The following NRXN3 variants were observed in gnomAD, a reference collection of about 807,000 sequenced individuals.
The protein encoded by NRXN3 is neurexin III.
NRXN3 carries 32 observed loss-of-function variants against 137.6 expected under a neutral mutation model. The ratio of observed to expected loss-of-function variants is 0.23; its 90% CI spans 0.18 to 0.31. The LOEUF is 0.31. NRXN3 is among the 10% of genes least tolerant of loss of function. The pLI, the probability that NRXN3 is intolerant of heterozygous loss-of-function variation, is 1.00. For missense variants in NRXN3, 1,574 were observed against 2,062.5 expected, an observed-to-expected ratio of 0.76 and a Z score of 4.59; for synonymous variants, 798 against 784.5, an observed-to-expected ratio of 1.02 and a Z score of -0.29.
intron 15 of NRXN3, among the ~76,000 whole-genome samples, chr14:78,994,407 T>G (rs2099525576): frequency 1.3e-5 from 2 of 152,160 alleles, no homozygotes; most frequent in South Asian, 4.1e-4. Context: ...AAAATTAGAT[T>G]TCCCAACTTC....
chr14:79,004,809 C>G (rs1250496768), intron 15 of NRXN3, among the ~76,000 whole-genome samples: 2 of 152,116 alleles, frequency 1.3e-5, no homozygotes, highest in Non-Finnish European at 2.9e-5. Flanking sequence ...GACCTTGATT[C>G]TACAATCATT....
intron 10 of NRXN3, among the ~76,000 whole-genome samples, chr14:78,815,700 T>C (rs1051986477): frequency 6.6e-6 from 1 of 152,080 alleles, no homozygotes; most frequent in African/African-American, 2.4e-5. Flanking sequence ...AATATGTTAT[T>C]TCATCTTTAC....
chr14:79,513,725 T>C (rs1388743367), intron 16 of NRXN3, among the ~76,000 whole-genome samples: 1 of 152,184 alleles, frequency 6.6e-6, no homozygotes, highest in African/African-American at 2.4e-5. Context: ...TGTGAATCTG[T>C]AATTTGCAAA....
At chr14:78,172,007 C>T (rs1386919542) in intron 1 of NRXN3, among the ~76,000 whole-genome samples, 1 of 152,148 alleles carries the variant, frequency 6.6e-6, no homozygotes, top group East Asian at 1.9e-4. Flanking sequence ...CTTCTCCCCG[C>T]TTCCTTCGGT....
chr14:78,214,840 G>A (rs1045745541), intron 1 of NRXN3, among the ~76,000 whole-genome samples: 9 of 152,120 alleles, frequency 5.9e-5, no homozygotes, highest in African/African-American at 2.2e-4. Context: ...ATTCTGACTC[G>A]AGTGCACTCT....
intron 17 of NRXN3, among the ~76,000 whole-genome samples, chr14:79,681,497 G>A (rs563563745): frequency 2.2e-4 from 33 of 152,196 alleles, no homozygotes; most frequent in African/African-American, 7.9e-4. Context: ...AGGTTCACAT[G>A]GCTGGGTTTC....
At chr14:79,677,624 G>C (rs1431267999) in intron 17 of NRXN3, among the ~76,000 whole-genome samples, 3 of 152,102 alleles carry the variant, frequency 2.0e-5, no homozygotes, top group African/African-American at 7.2e-5. Flanking sequence ...TAATAGTTTT[G>C]CTTCATTCTG....
chr14:79,372,217 T>C (rs2094133622), intron 15 of NRXN3, among the ~76,000 whole-genome samples: 1 of 152,140 alleles, frequency 6.6e-6, no homozygotes, highest in African/African-American at 2.4e-5. Context: ...ACACACCATA[T>C]TAAACTTGGA....
intron 4 of NRXN3, among the ~76,000 whole-genome samples, chr14:78,623,719 C>T (rs948018341): frequency 1.1e-4 from 17 of 152,118 alleles, no homozygotes; most frequent in African/African-American, 4.1e-4. Context: ...AGGCACACAC[C>T]ACCACGCCTG....
chr14:78,232,509 T>C (rs2065574345), intron 1 of NRXN3, among the ~76,000 whole-genome samples: 2 of 152,190 alleles, frequency 1.3e-5, no homozygotes, highest in Admixed American at 6.5e-5. Context: ...AATTGCACTC[T>C]TGCTGGGCTG....
intron 2 of NRXN3, among the ~76,000 whole-genome samples, chr14:78,259,901 G>A (rs2070393162): frequency 3.3e-5 from 5 of 152,310 alleles, no homozygotes. Flanking sequence ...GGAGCCTAGG[G>A]AGGAGGGGCA....
intron 15 of NRXN3, among the ~76,000 whole-genome samples, chr14:79,340,547 C>G (rs576354529): frequency 1.3e-5 from 2 of 152,346 alleles, no homozygotes; most frequent in African/African-American, 4.8e-5. Flanking sequence ...CTCACCACAA[C>G]CTCCACCTTC....
chr14:79,187,769 T>G (rs990232605), intron 15 of NRXN3, among the ~76,000 whole-genome samples: 1 of 152,216 alleles, frequency 6.6e-6, no homozygotes, highest in Non-Finnish European at 1.5e-5. Context: ...AAGACCCTTT[T>G]GAGATTTTCA....
intron 15 of NRXN3, among the ~76,000 whole-genome samples, chr14:79,366,029 A>ACCCCTCTCTT (rs947109029): frequency 2.6e-5 from 4 of 152,028 alleles, no homozygotes; most frequent in African/African-American, 7.3e-5. Flanking sequence ...CCATGCAAGC[A>ACCCCTCTCTT]CCCCTCTCTT....
chr14:79,480,657 T>G (rs1380915077), intron 16 of NRXN3, among the ~76,000 whole-genome samples: 2 of 152,184 alleles, frequency 1.3e-5, no homozygotes, highest in Non-Finnish European at 2.9e-5. Context: ...CCAAATGTCC[T>G]GTTCAATTGT....
chr14:78,314,989 TTC>T (rs1240988151), intron 4 of NRXN3, among the ~76,000 whole-genome samples: 12 of 68,374 alleles, frequency 1.8e-4, no homozygotes, highest in African/African-American at 1.0e-3. Context: ...CTTCCTTCCT[TTC>T]TCTTTCTTTC....
In NRXN3 at chr14:79,748,409, T is replaced by C. The variant is rs190868548; in HGVS notation, c.4014+50472T>C. ...TGGAAAAGGGTAAAGTGTGGATTAT[T>C]AACGGTTGACATTGGAAGAGCAAAG... On this transcript the variant is annotated intron_variant, in intron 19 of 20. Transcript: ENST00000335750. Among the ~76,000 whole-genome samples the C allele has an allele frequency of 2.5e-3, 373 of 152,234 alleles. 2 individuals are homozygous for C. Among genetic ancestry groups the C allele is most frequent in the Non-Finnish European group, 1.3e-3 (91 of 68,012 alleles).
chr14:78,418,113 T>C (rs2093248641), intron 4 of NRXN3, among the ~76,000 whole-genome samples: 1 of 152,132 alleles, frequency 6.6e-6, no homozygotes, highest in African/African-American at 2.4e-5. Context: ...AGGTGAAATT[T>C]GTATGGCTCT....
At chr14:78,488,884 T>A (rs1417018308) in intron 4 of NRXN3, among the ~76,000 whole-genome samples, 3 of 126,282 alleles carry the variant, frequency 2.4e-5, no homozygotes, top group Non-Finnish European at 5.0e-5. Flanking sequence ...GAGAAGGGGG[T>A]GGAGGAAAGA....
Sources: allele counts gnomAD v4.1 joint callset (sites outside exome capture counted in the v4.1 genomes callset), GRCh38; gene constraint gnomAD v4.1.1; transcripts MANE v1.5; gene names NCBI Gene and HGNC (gene_info 2026-07-23, HGNC 2026-07-21).